Variants in PDLIM3 observed in about 807,000 individuals in gnomAD.
PDLIM3 encodes the protein PDZ and LIM domain protein 3.
In PDLIM3, 36 loss-of-function variants were observed where a neutral mutation model predicts 37.3. The observed-to-expected ratio is 0.97, with a 90% CI of 0.74 to 1.28. The LOEUF is 1.28. PDLIM3 is among the 50% of genes most tolerant of loss of function. The pLI is 0.00. For synonymous variants in PDLIM3, 174 were observed against 182.4 expected (o/e 0.95, Z 0.37); for missense variants, 454 against 485.0 (o/e 0.94, Z 0.60).
chr4:185,508,878 A>C (rs2095702362), intron 4 of PDLIM3, among the ~76,000 whole-genome samples: 1 of 152,262 alleles, frequency 6.6e-6, no homozygotes, highest in Non-Finnish European at 1.5e-5. Context: ...GAAGTAGAAA[A>C]GATGCAGCTA....
chr4:185,507,656 C>T (rs772966831), intron 5 of PDLIM3, among the ~76,000 whole-genome samples: 4 of 151,958 alleles, frequency 2.6e-5, no homozygotes, highest in Non-Finnish European at 4.4e-5. Flanking sequence ...TCTTTTTAAT[C>T]AAAATCTTTA....
intron 4 of PDLIM3, among the ~76,000 whole-genome samples, chr4:185,510,942 G>A (rs921244192): frequency 3.3e-5 from 5 of 152,228 alleles, no homozygotes; most frequent in African/African-American, 4.8e-5. Context: ...GGATAGCACC[G>A]TGGGTCACCA....
rs2095693360 is a variant in PDLIM3 at position 185,504,527 on chromosome 4, A to T, written c.853T>A (p.Ser285Thr). Residue 285 changes from serine (S) to threonine (T), a missense_variant, in exon 7 of 8, where the codon TCA (serine) becomes ACA (threonine). Physicochemically the swap from Ser to Thr is moderately conservative, Grantham distance 58. Coordinates refer to ENST00000284767, the MANE Select transcript of PDLIM3 (RefSeq NM_014476.6). The surrounding 1 kb of genome is among the most constrained non-coding windows in gnomAD (Gnocchi z 4.7). ...AGCGGCATCCTCTGTGCCCCGCCTG[A>T]ACCGCCATGGACTTTCGTCACCGGA... is the stretch of plus-strand genomic sequence containing the variant. ...RAPVTKVHGG[S>T]GGAQRMPLCD... The T allele has an allele frequency of 2.5e-6, 4 of 1,614,190 alleles. No homozygotes were observed. The highest frequency in any genetic ancestry group is 3.4e-6 in the Non-Finnish European group (4 of 1,180,022).
chr4:185,513,550 A>C, intron 4 of PDLIM3: 1 of 985,202 alleles, frequency 1.0e-6, no homozygotes, highest in Non-Finnish European at 1.2e-6. Context: ...AATTAAATAA[A>C]ACATGCCTGT....
intron 4 of PDLIM3, 111 bp from the exon 5 acceptor site, chr4:185,508,673 T>A: frequency 1.9e-6 from 2 of 1,052,160 alleles, no homozygotes; most frequent in Non-Finnish European, 2.9e-6. Context: ...AAGACAAAAG[T>A]GAGAGGTGAA....
At chr4:185,530,219 T>A (rs1033250422) in intron 1 of PDLIM3, among the ~76,000 whole-genome samples, 3 of 152,244 alleles carry the variant, frequency 2.0e-5, no homozygotes, top group African/African-American at 7.2e-5. Context: ...TTTATTTACA[T>A]CAACCTTTCC....
chr4:185,527,079 C>A (rs1425776116), intron 1 of PDLIM3, among the ~76,000 whole-genome samples: 1 of 152,086 alleles, frequency 6.6e-6, no homozygotes, highest in Non-Finnish European at 1.5e-5. Context: ...ACAGTGTATA[C>A]CCCAGTATTT....
At position 185,514,914 on chromosome 4, in the gene PDLIM3, A is replaced by G; in HGVS notation, c.331-577T>C. ...TCCTGTACAATGGCAGACAAAATAC[A>G]CAGCCACACAGCGCACAAGAAAGCC... On this transcript the variant is annotated intron_variant, in intron 3 of 7. Transcript: ENST00000284767. The surrounding 1 kb of genome is among the most constrained non-coding windows in gnomAD (Gnocchi z 4.0). 6.5e-7 allele frequency: 1 copy of G among 1,534,872 alleles called. No individual in the cohort carries two copies. Among genetic ancestry groups the G allele is most frequent in the Non-Finnish European group, 8.8e-7 (1 of 1,136,732 alleles).
chr4:185,506,832 C>T, intron 5 of PDLIM3, 180 bp from the exon 6 acceptor site: 1 of 599,162 alleles, frequency 1.7e-6, no homozygotes, highest in Non-Finnish European at 2.9e-6. Flanking sequence ...AAATGGCTGC[C>T]TTGGAAATGT....
rs1202829977 is a variant in PDLIM3 at position 185,503,060 on chromosome 4, T to C, written c.906-577A>G. ...GGCTAACACGGTGAAACCCCATCTCTACTAAAAAAATACAAAAAAATTAGC... is the reference window on the plus strand; with the variant it reads ...GGCTAACACGGTGAAACCCCATCTCCACTAAAAAAATACAAAAAAATTAGC... On this transcript the variant is annotated intron_variant, in intron 7 of 7. Coordinates refer to ENST00000284767, the MANE Select transcript of PDLIM3 (RefSeq NM_014476.6). 1.2e-4 allele frequency among the ~76,000 whole-genome samples: 18 copies of C among 151,888 alleles called. 1 individual carries two copies. The highest frequency in any genetic ancestry group is 1.2e-3 in the Admixed American group (18 of 15,252).
chr4:185,516,748 C>G (rs1215712188), intron 3 of PDLIM3: 7 of 152,200 alleles, frequency 4.6e-5, no homozygotes, highest in Non-Finnish European at 7.3e-5. Flanking sequence ...TCCACCCACC[C>G]CAAATCTCAG....
At chr4:185,519,689 C>T (rs754442387) in intron 3 of PDLIM3, among the ~76,000 whole-genome samples, 23 of 152,242 alleles carry the variant, frequency 1.5e-4, no homozygotes, top group Non-Finnish European at 3.1e-4. Context: ...GAAAAAAACC[C>T]CCAGAAATAA....
In PDLIM3 at chr4:185,504,719, G is replaced by A; in HGVS notation, c.794-133C>T. The A allele has an allele frequency of 2.8e-6, 2 of 707,290 alleles. No homozygotes were observed. Among genetic ancestry groups the A allele is most frequent in the Non-Finnish European group, 2.6e-6 (1 of 391,578 alleles). The allele number at this position is 707,290 out of a possible 1,614,324, so 43.8% of individuals were successfully genotyped here. ...TCATTCCGAGAGGGGCAGGACTGAT[G>A]CAATCATAAGGGACGCTGTTCTGAA... On this transcript the variant is annotated intron_variant, in intron 6 of 7. Coordinates refer to ENST00000284767, the MANE Select transcript of PDLIM3 (RefSeq NM_014476.6). This position sits in a 1 kb window ranked among gnomAD's most constrained non-coding sequence, Gnocchi z 4.7.
At chr4:185,532,004 A>T (rs555545159) in intron 1 of PDLIM3, among the ~76,000 whole-genome samples, 1 of 151,214 alleles carries the variant, frequency 6.6e-6, no homozygotes, top group Non-Finnish European at 1.5e-5. Context: ...AGGCTGAGGC[A>T]GGAGAATCGC....
At position 185,504,911 on chromosome 4, in the gene PDLIM3, A is replaced by G. The variant is rs1448403608; in HGVS notation, c.794-325T>C. Reference sequence around the variant, plus strand: ...ATGGTTAGGGGTGCAATTCAATGACATTAGGTACATCCAAAATGTTGTGCA... The same window carrying G: ...ATGGTTAGGGGTGCAATTCAATGACGTTAGGTACATCCAAAATGTTGTGCA... On this transcript the variant is annotated intron_variant, in intron 6 of 7. Coordinates refer to ENST00000284767, the MANE Select transcript of PDLIM3 (RefSeq NM_014476.6). The surrounding 1 kb of genome is among the most constrained non-coding windows in gnomAD (Gnocchi z 4.7). Among the ~76,000 whole-genome samples, 1 of 152,240 alleles carries G rather than the reference A, an allele frequency of 6.6e-6. No homozygotes were observed. The highest frequency in any genetic ancestry group is 1.5e-5 in the Non-Finnish European group (1 of 68,036).
chr4:185,534,364 C>A lies in PDLIM3; in HGVS notation c.93+978G>T, dbSNP rs550105266. Among the ~76,000 whole-genome samples, 4 of 152,180 alleles carry A rather than the reference C, an allele frequency of 2.6e-5. No homozygotes were observed. In the South Asian group the frequency reaches 8.3e-4, roughly 32 times the overall value. ...CAAGAAAATAAAGTATAATACTCTGCAACTAAAAGTATAATATTCTGGAAG... is the reference window on the plus strand; with the variant it reads ...CAAGAAAATAAAGTATAATACTCTGAAACTAAAAGTATAATATTCTGGAAG... On this transcript the variant is annotated intron_variant, in intron 1 of 7. Transcript: ENST00000284767.
chr4:185,515,514 C>T (rs963718092), intron 3 of PDLIM3: 4 of 152,136 alleles, frequency 2.6e-5, no homozygotes, highest in South Asian at 2.1e-4. Flanking sequence ...TTTATGAAAG[C>T]GGGAATAACA....
rs779953596 is a variant in PDLIM3 at position 185,502,252 on chromosome 4, C to CGCGTGGGTGGGT, written c.*30_*41dup. 1.3e-6 allele frequency: 2 copies of CGCGTGGGTGGGT among 1,587,094 alleles called. No individual in the cohort carries two copies. Among genetic ancestry groups the CGCGTGGGTGGGT allele is most frequent in the Non-Finnish European group, 1.7e-6 (2 of 1,155,994 alleles). ...CCATGAATGTCTTCTCGTGTAAGTG[C>CGCGTGGGTGGGT]GCGTGGGTGGGTGCGTGCGTGCGTG... On this transcript the variant is annotated 3_prime_UTR_variant, in exon 8 of 8. Coordinates refer to ENST00000284767, the MANE Select transcript of PDLIM3 (RefSeq NM_014476.6).
chr4:185,523,340 T>C (rs763822969), intron 3 of PDLIM3, 22 bp downstream of exon 3: 10 of 1,502,342 alleles, frequency 6.7e-6, no homozygotes, highest in Non-Finnish European at 8.3e-6. Context: ...ACAATGTGTA[T>C]CATTTGCTCT....
Sources: allele counts gnomAD v4.1 joint callset (sites outside exome capture counted in the v4.1 genomes callset), GRCh38; gene constraint gnomAD v4.1.1; non-coding constraint Gnocchi (gnomAD v3.1); transcripts MANE v1.5; gene names NCBI Gene and HGNC (gene_info 2026-07-23, HGNC 2026-07-21).